The following RHNO1 variants were observed in gnomAD, a reference collection of about 807,000 sequenced individuals.
RHNO1 encodes RAD9, HUS1, RAD1-interacting nuclear orphan protein 1.
In RHNO1, 9 loss-of-function variants were observed where a neutral mutation model predicts 7.2. The observed-to-expected ratio is 1.25, with a 90% CI of 0.75 to 2.18. The LOEUF (loss-of-function observed/expected upper bound fraction) is 2.18, where lower values mean the gene tolerates loss of function less well. Among genes scored for constraint, RHNO1 ranks in the 30% most tolerant of loss-of-function variants. The pLI is 0.00. For missense variants in RHNO1, 292 were observed against 284.5 expected (o/e 1.03, Z -0.19); for synonymous variants, 95 against 107.5 (o/e 0.88, Z 0.72).
chr12:2,883,511 A>ATATATATATATATT (rs2098161542), intron 1 of RHNO1, among the ~76,000 whole-genome samples: 39 of 26,836 alleles, frequency 1.5e-3, no homozygotes, highest in Non-Finnish European at 1.8e-3. Flanking sequence ...ATATATATAT[A>ATATATATATATATT]TTTTTTTTTT....
chr12:2,878,898 C>T (rs923858862), intron 1 of RHNO1, among the ~76,000 whole-genome samples: 5 of 151,456 alleles, frequency 3.3e-5, no homozygotes, highest in African/African-American at 7.3e-5. Flanking sequence ...AAGGGACGGG[C>T]GGGGGGTTGT....
In RHNO1 at chr12:2,885,352, C is replaced by G. The variant is rs187710658; in HGVS notation, c.-15C>G. The G allele has an allele frequency of 1.5e-3, 2,367 of 1,610,514 alleles. 9 individuals carry two copies. The highest frequency in any genetic ancestry group is 2.1e-3 in the South Asian group (189 of 90,700). On this transcript the variant is annotated 5_prime_UTR_variant, in exon 2 of 3. Transcript: ENST00000489288. ...AGCATCATGTGGTTACTAACTGTTCCTCATTCACCGGTTGATGCCTCCCAG... is the reference window on the plus strand; with the variant it reads ...AGCATCATGTGGTTACTAACTGTTCGTCATTCACCGGTTGATGCCTCCCAG...
chr12:2,879,272 G>A (rs1031043824), intron 1 of RHNO1, among the ~76,000 whole-genome samples: 6 of 152,008 alleles, frequency 3.9e-5, no homozygotes, highest in Non-Finnish European at 7.4e-5. Flanking sequence ...TCACAGTGTT[G>A]GCATTACAGG....
Position 2,888,389 on chromosome 12 carries a change from G to A in RHNO1, c.647G>A (p.Arg216Gln), listed in dbSNP as rs2098168226. Residue 216 changes from arginine (R) to glutamine (Q), a missense_variant, in exon 3 of 3, where the codon CGA becomes CAA. Coordinates refer to ENST00000489288, the MANE Select transcript of RHNO1 (RefSeq NM_001252499.3). ...GGAATAAAGGTCACATGGAGGAGAC[G>A]ACAGCACCTGCTTGCTTACCTCAGG... ...KYGIKVTWRR[R>Q]QHLLAYLRER... 1.2e-6 allele frequency: 2 copies of A among 1,613,252 alleles called. No individual in the cohort carries two copies. The highest frequency in any genetic ancestry group is 2.2e-5 in the East Asian group (1 of 44,876).
intron 2 of RHNO1, chr12:2,886,931 A>G (rs2098166250): frequency 2.2e-6 from 1 of 455,500 alleles, no homozygotes; most frequent in African/African-American, 2.0e-5. Context: ...CTCACCCGCT[A>G]TGCTTGGAGT....
At chr12:2,880,811 A>G (rs1286082512) in intron 1 of RHNO1, among the ~76,000 whole-genome samples, 1 of 151,798 alleles carries the variant, frequency 6.6e-6, no homozygotes, top group Non-Finnish European at 1.5e-5. Context: ...TTATTCTTTT[A>G]AATTTGTAGT....
Position 2,885,467 on chromosome 12 carries a change from A to G in RHNO1, c.101A>G (p.Gln34Arg), listed in dbSNP as rs547329725. 1.2e-5 allele frequency: 20 copies of G among 1,613,158 alleles called. No individual in the cohort carries two copies. The African/African-American group carries it at 1.3e-4, about 11-fold the overall frequency. Residue 34 changes from glutamine to arginine, a missense_variant, in exon 2 of 3, where the codon CAG becomes CGG. By Grantham distance (43) the Gln-to-Arg change is conservative (BLOSUM62 1). Transcript: ENST00000489288. ...EGPKHSCAST[Q>R]LPITHTRQVP... ...CCCAAACACAGCTGTGCATCTACAC[A>G]GCTTCCCATCACTCACACTCGACAG...
In RHNO1 at chr12:2,888,614, A is replaced by C. The variant is rs773928239; in HGVS notation, c.*155A>C. ...ATGATCTCACCTTACTGCAACCACC[A>C]CTTCCTGGGTTCAAGCGATTCTCCT... is the stretch of plus-strand genomic sequence containing the variant. On this transcript the variant is annotated 3_prime_UTR_variant, in exon 3 of 3. Coordinates refer to ENST00000489288, the MANE Select transcript of RHNO1 (RefSeq NM_001252499.3). 3.7e-6 allele frequency: 2 copies of C among 546,862 alleles called. No homozygotes were observed. Among genetic ancestry groups the C allele is most frequent in the Non-Finnish European group, 6.0e-6 (2 of 334,474 alleles). 33.9% of individuals were successfully genotyped at this position (546,862 alleles called of 1,614,324 possible).
chr12:2,877,042 G>A (rs1317708043), upstream of RHNO1: 1 of 152,042 alleles, frequency 6.6e-6, no homozygotes, highest in African/African-American at 2.4e-5. Flanking sequence ...CCGGGTCCCC[G>A]GCGGTGCGGG....
chr12:2,880,661 G>A (rs2098156341), intron 1 of RHNO1, among the ~76,000 whole-genome samples: 1 of 151,902 alleles, frequency 6.6e-6, no homozygotes, highest in East Asian at 1.9e-4. Flanking sequence ...TTTGAGATAG[G>A]GTCTGTCTGT....
chr12:2,879,585 C>T (rs2098154789), intron 1 of RHNO1, among the ~76,000 whole-genome samples: 2 of 151,726 alleles, frequency 1.3e-5, no homozygotes, highest in Admixed American at 6.6e-5. Context: ...CTGCCCACCC[C>T]GGCCTCTGAA....
chr12:2,887,478 CAAAAAAAAAAA>C (rs11310263), intron 2 of RHNO1, among the ~76,000 whole-genome samples: 3 of 89,100 alleles, frequency 3.4e-5, no homozygotes, highest in African/African-American at 8.4e-5. Flanking sequence ...ACTCTGTCTC[CAAAAAAAAAAA>C]AAAAAAAAAA....
chr12:2,878,618 T>G (rs970723363), intron 1 of RHNO1, among the ~76,000 whole-genome samples: 1 of 151,820 alleles, frequency 6.6e-6, no homozygotes, highest in African/African-American at 2.4e-5. Flanking sequence ...CTAGAGTGGA[T>G]TAGGGCAGAA....
Position 2,881,902 on chromosome 12 carries a change from C to CA in RHNO1, c.-84-3367dup, listed in dbSNP as rs1208946857. ...CCTGCGTAACAGAGCAAGACTCCAT[C>CA]AAAAAAAAAAAAAAGAAAGAAAAAA... On this transcript the variant is annotated intron_variant, in intron 1 of 2. Transcript: ENST00000489288. Among the ~76,000 whole-genome samples the CA allele has an allele frequency of 2.0e-3, 240 of 119,664 alleles. 1 individual carries two copies. Among genetic ancestry groups the CA allele is most frequent in the Middle Eastern group, 4.5e-3 (1 of 222 alleles). 78.5% of individuals were successfully genotyped at this position (119,664 alleles called of 152,430 possible). A position where few individuals can be genotyped will look rare whatever the true frequency, so the allele number is the denominator to read the frequency against.
intron 1 of RHNO1, chr12:2,877,845 A>G (rs2153943457): frequency 6.6e-6 from 1 of 152,480 alleles, no homozygotes; most frequent in Non-Finnish European, 1.5e-5. Flanking sequence ...CCCTGGGCTC[A>G]CAGCCCAATC....
chr12:2,881,867 T>C (rs2098158202), intron 1 of RHNO1, among the ~76,000 whole-genome samples: 1 of 149,856 alleles, frequency 6.7e-6, no homozygotes, highest in African/African-American at 2.5e-5. Context: ...ATCGCGCCAC[T>C]GTACTCTAGC....
chr12:2,885,200 G>T (rs1036160657), intron 1 of RHNO1, 83 bp from the exon 2 acceptor site: 4 of 632,062 alleles, frequency 6.3e-6, no homozygotes, highest in African/African-American at 5.6e-5. Flanking sequence ...TGAAGTTTAT[G>T]GTAGAATTGG....
In RHNO1 at chr12:2,888,603, C is replaced by T. The variant is rs2098168532; in HGVS notation, c.*144C>T. ...AGTGCAGTGGTATGATCTCACCTTA[C>T]TGCAACCACCACTTCCTGGGTTCAA... On this transcript the variant is annotated 3_prime_UTR_variant, in exon 3 of 3. Transcript: ENST00000489288. 2 of 588,216 alleles carry T rather than the reference C, an allele frequency of 3.4e-6. No individual in the cohort carries two copies. The highest frequency in any genetic ancestry group is 5.5e-6 in the Non-Finnish European group (2 of 366,268). 36.4% of individuals were successfully genotyped at this position (588,216 alleles called of 1,614,324 possible). A position where few individuals can be genotyped will look rare whatever the true frequency, so the allele number is the denominator to read the frequency against.
chr12:2,885,398 C>T lies in RHNO1; in HGVS notation c.32C>T (p.Ser11Phe), dbSNP rs1194306692. 1 of 1,613,662 alleles carries T rather than the reference C, an allele frequency of 6.2e-7. No individual in the cohort carries two copies. Among genetic ancestry groups the T allele is most frequent in the South Asian group, 1.1e-5 (1 of 91,040 alleles). ...CCCAGAAAAAAACGCCGCCAGCCTT[C>T]CCAGAAAGCCCCGCTGCTGTTCCAC... is the stretch of plus-strand genomic sequence containing the variant. Reference protein sequence around the residue: MPPRKKRRQPSQKAPLLFHQQ... With the variant: MPPRKKRRQPFQKAPLLFHQQ... Residue 11 changes from serine (S) to phenylalanine (F), a missense_variant, in exon 2 of 3, where the codon TCC becomes TTC. Coordinates refer to ENST00000489288, the MANE Select transcript of RHNO1 (RefSeq NM_001252499.3).
Sources: gnomAD v4.1 joint callset for allele counts (sites outside exome capture counted in the v4.1 genomes callset) on GRCh38, gnomAD v4.1.1 for gene constraint, MANE v1.5 for transcripts, NCBI Gene and HGNC (gene_info 2026-07-23, HGNC 2026-07-21) for gene names.